Variants in TAS2R10 observed in about 807,000 individuals in gnomAD.
TAS2R10 encodes taste receptor type 2 member 10.
For synonymous variants in TAS2R10, 144 were observed against 126.6 expected (o/e 1.14, Z -0.92); for missense variants, 385 against 362.0 (o/e 1.06, Z -0.52).
exon 1 of TAS2R10, chr12:10,825,382 C>G: frequency 6.2e-7 from 1 of 1,612,202 alleles, no homozygotes; most frequent in Non-Finnish European, 8.5e-7. Context: ...TCTCACAGCA[C>G]TTCAATTGCT....
downstream of TAS2R10, chr12:10,825,307 G>T: frequency 4.0e-6 from 6 of 1,488,506 alleles, no homozygotes; most frequent in Non-Finnish European, 5.5e-6. Context: ...TTTATTCACT[G>T]GATTCCTTTC....
At chr12:10,825,377 C>T (rs762850037) in exon 1 of TAS2R10, 1 of 1,611,650 alleles carries the variant, frequency 6.2e-7, no homozygotes, top group Admixed American at 1.7e-5. Flanking sequence ...CCTTTTCTCA[C>T]AGCACTTCAA....
chr12:10,825,288 C>T, downstream of TAS2R10: 2 of 1,349,246 alleles, frequency 1.5e-6, no homozygotes, highest in Non-Finnish European at 2.0e-6. Flanking sequence ...TGAAACAGAT[C>T]TTCAAGGATT....
exon 1 of TAS2R10, chr12:10,825,701 A>G: frequency 6.2e-7 from 1 of 1,613,620 alleles, no homozygotes; most frequent in Non-Finnish European, 8.5e-7. Context: ...ACATGTAATT[A>G]GGGATAGTGT....
rs770159000 is a variant in TAS2R10, at chr12:10,825,727, T to G, written c.543A>C (p.Gly181=). Residue 181 remains glycine, a synonymous_variant, in exon 1 of 1, where the codon GGA becomes GGC. Coordinates refer to ENST00000240619, the Ensembl canonical transcript of TAS2R10. ...GGGATAGTGTAAAGAAGAAAATGAC[T>G]CCCAGATTTAGCAAAATCTGTTTAA... 4.3e-6 allele frequency: 7 copies of G among 1,613,344 alleles called. No homozygotes were observed. The African/African-American group carries it at 9.3e-5, about 22-fold the overall frequency.
chr12:10,826,092 T>C (rs777926328), exon 1 of TAS2R10: 1 of 1,613,256 alleles, frequency 6.2e-7, no homozygotes, highest in African/African-American at 1.3e-5. Flanking sequence ...GTAATTATTA[T>C]CCATATCAGA....
rs762767080 is a variant in TAS2R10 at position 10,825,462 on chromosome 12, G to A, written c.808C>T (p.Pro270Ser). ...ATTAAGATAAATGAGTGACCCCAGGGATAGATGGCTGTGGTTGTCATTCCA... is the reference window on the plus strand; with the variant it reads ...ATTAAGATAAATGAGTGACCCCAGGAATAGATGGCTGTGGTTGTCATTCCA... Residue 270 changes from proline (P) to serine (S), a missense_variant, in exon 1 of 1, where the codon CCC (proline) becomes TCC (serine). Transcript: ENST00000240619. 2.0e-5 allele frequency: 33 copies of A among 1,613,542 alleles called. No individual in the cohort carries two copies. Among genetic ancestry groups the A allele is most frequent in the Non-Finnish European group, 2.4e-5 (28 of 1,179,762 alleles).
chr12:10,825,279 G>T, downstream of TAS2R10: 1 of 1,254,648 alleles, frequency 8.0e-7, no homozygotes, highest in Non-Finnish European at 1.1e-6. Flanking sequence ...GCAGTGCAAT[G>T]AAACAGATCT....
exon 1 of TAS2R10, chr12:10,826,005 C>T (rs2135725333): frequency 4.3e-6 from 7 of 1,613,532 alleles, no homozygotes; most frequent in East Asian, 2.2e-5. Context: ...TTACCAATTA[C>T]CCAAAAGTAA....
chr12:10,826,004 A>C (rs778153974), exon 1 of TAS2R10: 3 of 1,613,530 alleles, frequency 1.9e-6, no homozygotes, highest in Non-Finnish European at 2.5e-6. Flanking sequence ...ATTACCAATT[A>C]CCCAAAAGTA....
chr12:10,825,507 T>A (rs1565420226), exon 1 of TAS2R10: 1 of 1,613,746 alleles, frequency 6.2e-7, no homozygotes, highest in Admixed American at 1.7e-5. Context: ...AGCAGTTTGT[T>A]TTCTCGCACA....
chr12:10,825,626 C>T (rs1462960829), exon 1 of TAS2R10: 3 of 1,613,788 alleles, frequency 1.9e-6, no homozygotes, highest in Admixed American at 1.7e-5. Flanking sequence ...GTTGGAGTCT[C>T]TCAATCCTGT....
At chr12:10,825,427 G>A in exon 1 of TAS2R10, 1 of 1,613,582 alleles carries the variant, frequency 6.2e-7, no homozygotes, top group Non-Finnish European at 8.5e-7. Context: ...TTAGCTTGCT[G>A]TTTCCTAGAA....
rs138981019 is a variant in TAS2R10, at chr12:10,825,659, T to C, written c.611A>G (p.Asn204Ser). 250 of 1,613,716 alleles carry C rather than the reference T, an allele frequency of 1.5e-4. No homozygotes were observed. In the Admixed American group the frequency reaches 4.1e-3, roughly 26 times the overall value. ...TGTCACATTCGATTGCATCTGCCTG[T>C]TGTGTCTCCAAAGGGAAATGATTAA... The change falls in exon 1 of 1, where the codon AAC (asparagine) becomes AGC (serine). Residue 204 changes from asparagine to serine, a missense_variant. By Grantham distance (46) the Asn-to-Ser change is conservative (BLOSUM62 1). Coordinates refer to ENST00000240619, the Ensembl canonical transcript of TAS2R10.
chr12:10,825,674 G>C, exon 1 of TAS2R10: 1 of 1,613,492 alleles, frequency 6.2e-7, no homozygotes, highest in Non-Finnish European at 8.5e-7. Context: ...TCTCCAAAGG[G>C]AAATGATTAA....
At chr12:10,825,631 T>C in exon 1 of TAS2R10, 1 of 1,613,798 alleles carries the variant, frequency 6.2e-7, no homozygotes, top group Non-Finnish European at 8.5e-7. Flanking sequence ...AGTCTCTCAA[T>C]CCTGTCACAT....
exon 1 of TAS2R10, chr12:10,826,228 AACT>A (rs765373752): frequency 2.3e-5 from 37 of 1,611,888 alleles, no homozygotes; most frequent in Non-Finnish European, 3.1e-5. Flanking sequence ...CTGACTCACT[AACT>A]ACAACAAAAA....
rs12307411 is a variant in TAS2R10, at chr12:10,825,643, C to T, written c.627G>A (p.Ser209=). ...TGGAGTCTCTCAATCCTGTCACATT[C>T]GATTGCATCTGCCTGTTGTGTCTCC... The change falls in exon 1 of 1, where the codon TCG becomes TCA. Residue 209 remains serine (S), a synonymous_variant. Transcript: ENST00000240619. 18,839 of 1,613,404 alleles carry T rather than the reference C, an allele frequency of 0.012. 1,952 individuals carry two copies. The African/African-American group carries it at 0.22, about 19-fold the overall frequency.
chr12:10,826,142 A>G (rs760550407), exon 1 of TAS2R10: 17 of 1,613,404 alleles, frequency 1.1e-5, no homozygotes, highest in Non-Finnish European at 1.3e-5. Flanking sequence ...AATAAAGCCA[A>G]TCGTAGATAA....
Sources: gnomAD v4.1 joint callset for allele counts on GRCh38, gnomAD v4.1.1 for gene constraint, MANE v1.5 for transcripts, NCBI Gene and HGNC (gene_info 2026-07-23, HGNC 2026-07-21) for gene names.